The following KLHL32 variants were observed in gnomAD, a reference collection of about 807,000 sequenced individuals.
KLHL32 encodes kelch like family member 32.
In KLHL32, 35 loss-of-function variants were observed where a neutral mutation model predicts 64.8. The observed-to-expected ratio is 0.54, with a 90% confidence interval of 0.41 to 0.72. The LOEUF (loss-of-function observed/expected upper bound fraction) is 0.72, where lower values mean the gene tolerates loss of function less well. Among genes scored for constraint, KLHL32 ranks in the 30% least tolerant of loss-of-function variants. The probability of loss-of-function intolerance (pLI) is 0.00; values close to 1 mark genes in which losing one functional copy is unlikely to be tolerated. For synonymous variants in KLHL32, 259 were observed against 281.0 expected (o/e 0.92, Z 0.78); for missense variants, 589 against 768.5 (o/e 0.77, Z 2.76).
At chr6:97,124,131 A>G (rs1023215761) in intron 7 of KLHL32, among the ~76,000 whole-genome samples, 5 of 152,134 alleles carry the variant, frequency 3.3e-5, no homozygotes, top group Non-Finnish European at 5.9e-5. Context: ...AATGATTTTT[A>G]TTTATATGCT....
intron 3 of KLHL32, among the ~76,000 whole-genome samples, chr6:97,015,504 T>C (rs1225603338): frequency 6.6e-6 from 1 of 152,230 alleles, no homozygotes; most frequent in African/African-American, 2.4e-5. Flanking sequence ...TGCTATGCTT[T>C]AGCAAAGAGA....
At chr6:97,064,771 C>A in intron 5 of KLHL32, 45 bp downstream of exon 5, 1 of 1,480,398 alleles carries the variant, frequency 6.8e-7, no homozygotes, top group Non-Finnish European at 9.4e-7. Flanking sequence ...ACATTCCTTT[C>A]CCCACAGTCA....
At chr6:97,130,680 A>G in intron 8 of KLHL32, 77 bp from the exon 9 acceptor site, 1 of 1,116,670 alleles carries the variant, frequency 9.0e-7, no homozygotes, top group Non-Finnish European at 1.3e-6. Flanking sequence ...GGTTCTCACT[A>G]CTTATGAGGC....
chr6:97,110,767 A>C (rs1797007519), intron 6 of KLHL32, among the ~76,000 whole-genome samples: 2 of 152,226 alleles, frequency 1.3e-5, no homozygotes, highest in Admixed American at 1.3e-4. Context: ...TGCAGGCGGG[A>C]ACCGGAGCAC....
chr6:96,920,297 A>G (rs751453562), upstream of KLHL32, among the ~76,000 whole-genome samples: 17 of 152,320 alleles, frequency 1.1e-4, no homozygotes, highest in African/African-American at 1.4e-4. Context: ...TCTTCATTCA[A>G]CTAAGACCTA....
intron 1 of KLHL32, among the ~76,000 whole-genome samples, chr6:96,961,020 GA>G (rs1343380976): frequency 6.6e-6 from 1 of 152,092 alleles, no homozygotes; most frequent in Non-Finnish European, 1.5e-5. Flanking sequence ...CCTGGATCAG[GA>G]AAAAAATGAA....
At chr6:97,101,314 G>A (rs929705194) in intron 6 of KLHL32, among the ~76,000 whole-genome samples, 1 of 152,080 alleles carries the variant, frequency 6.6e-6, no homozygotes, top group Non-Finnish European at 1.5e-5. Context: ...TAAACTTCCA[G>A]ATTTGCAGGA....
intron 5 of KLHL32, among the ~76,000 whole-genome samples, chr6:97,065,392 T>C (rs1048032965): frequency 6.6e-6 from 1 of 152,240 alleles, no homozygotes; most frequent in Non-Finnish European, 1.5e-5. Context: ...CCAACTTGTC[T>C]GAGGCAATAT....
chr6:97,098,153 C>G (rs1478096890), intron 6 of KLHL32, among the ~76,000 whole-genome samples: 1 of 152,104 alleles, frequency 6.6e-6, no homozygotes, highest in African/African-American at 2.4e-5. Flanking sequence ...ATACAGACAT[C>G]TAATAATGCT....
intron 3 of KLHL32, among the ~76,000 whole-genome samples, chr6:96,989,519 C>G (rs531722627): frequency 2.0e-5 from 3 of 152,218 alleles, no homozygotes; most frequent in Admixed American, 6.5e-5. Flanking sequence ...TTATCTCTAG[C>G]TGCCTTTAAT....
intron 1 of KLHL32, among the ~76,000 whole-genome samples, chr6:96,957,506 T>A (rs1773412772): frequency 6.6e-6 from 1 of 152,214 alleles, no homozygotes; most frequent in Non-Finnish European, 1.5e-5. Context: ...AAGATGAAGA[T>A]GAATAATTTA....
At chr6:96,998,190 G>T (rs1778624018) in intron 3 of KLHL32, among the ~76,000 whole-genome samples, 1 of 152,062 alleles carries the variant, frequency 6.6e-6, no homozygotes, top group East Asian at 1.9e-4. Context: ...AATATACTTT[G>T]TAAACTGTCA....
At chr6:96,920,930 G>C (rs1768735082), upstream of KLHL32, among the ~76,000 whole-genome samples, 1 of 152,102 alleles carries the variant, frequency 6.6e-6, no homozygotes. Flanking sequence ...GGACCAAAAA[G>C]TATGAGCTTT....
intron 6 of KLHL32, among the ~76,000 whole-genome samples, chr6:97,094,935 G>C (rs956039591): frequency 6.6e-6 from 1 of 152,160 alleles, no homozygotes; most frequent in African/African-American, 2.4e-5. Context: ...GTGATGGATG[G>C]TGCGTTAAAG....
At chr6:96,995,524 C>T (rs945328788) in intron 3 of KLHL32, among the ~76,000 whole-genome samples, 1 of 152,164 alleles carries the variant, frequency 6.6e-6, no homozygotes, top group African/African-American at 2.4e-5. Context: ...CTACCAGGCT[C>T]CAGGAGTGGC....
rs1416088637 is a variant in KLHL32, at chr6:97,039,544, G to A, written c.205-1948G>A. On this transcript the variant is annotated intron_variant, in intron 3 of 10. Coordinates refer to ENST00000369261, the MANE Select transcript of KLHL32 (RefSeq NM_052904.4). ...ACTTGAAAATAGCTAGAAGACAGCC[G>A]GGCGCAGTGGTTCACGCCTGTAATC... is the stretch of plus-strand genomic sequence containing the variant. Among the ~76,000 whole-genome samples, 2 of 105,184 alleles carry A rather than the reference G, an allele frequency of 1.9e-5. 1 individual carries two copies. Among genetic ancestry groups the A allele is most frequent in the Non-Finnish European group, 4.0e-5 (2 of 50,154 alleles). 69.0% of individuals were successfully genotyped at this position (105,184 alleles called of 152,430 possible). A position where few individuals can be genotyped will look rare whatever the true frequency, so the allele number is the denominator to read the frequency against.
chr6:97,130,609 C>A, intron 8 of KLHL32, 148 bp from the exon 9 acceptor site: 1 of 576,878 alleles, frequency 1.7e-6, no homozygotes, highest in Non-Finnish European at 2.8e-6. Flanking sequence ...AAGCCCATAC[C>A]TTTCAATATA....
At chr6:97,032,239 C>T (rs1455556407) in intron 3 of KLHL32, among the ~76,000 whole-genome samples, 8 of 152,166 alleles carry the variant, frequency 5.3e-5, no homozygotes, top group Non-Finnish European at 1.2e-4. Flanking sequence ...CCAAAAGATA[C>T]TTACGTAAAC....
At chr6:96,934,908 G>A (rs547350966) in intron 1 of KLHL32, among the ~76,000 whole-genome samples, 24 of 152,274 alleles carry the variant, frequency 1.6e-4, no homozygotes, top group Middle Eastern at 3.4e-3. Flanking sequence ...GATATAGCAC[G>A]ATATGAGGAG....
Sources: allele counts gnomAD v4.1 joint callset (sites outside exome capture counted in the v4.1 genomes callset), GRCh38; gene constraint gnomAD v4.1.1; transcripts MANE v1.5; gene names NCBI Gene and HGNC (gene_info 2026-07-23, HGNC 2026-07-21).